The following SRGAP3 variants were observed in gnomAD, a reference collection of about 807,000 sequenced individuals.
SRGAP3 encodes SLIT-ROBO Rho GTPase activating protein 3, also known as SLIT-ROBO Rho GTPase-activating protein 3.
A neutral mutation model predicts 121.1 loss-of-function variants in SRGAP3; 39 were observed. That is an observed-to-expected ratio of 0.32 (90% CI 0.25 to 0.42). The LOEUF (loss-of-function observed/expected upper bound fraction) is 0.42. Ranked by LOEUF, SRGAP3 falls within the 10% of genes least tolerant of loss-of-function variation. SRGAP3 has a pLI of 1.00. For missense variants in SRGAP3, 1,213 were observed against 1,470.6 expected, an observed-to-expected ratio of 0.82 and a Z score of 2.86; for synonymous variants, 601 against 570.0, an observed-to-expected ratio of 1.05 and a Z score of -0.77.
chr3:9,011,181 C>A (rs902009475), intron 17 of SRGAP3, among the ~76,000 whole-genome samples: 1 of 151,838 alleles, frequency 6.6e-6, no homozygotes, highest in African/African-American at 2.4e-5. Flanking sequence ...AGAAAAAAAA[C>A]CGAAGTAAAT....
At chr3:9,098,104 C>A (rs535045594) in intron 3 of SRGAP3, among the ~76,000 whole-genome samples, 2 of 152,276 alleles carry the variant, frequency 1.3e-5, no homozygotes, top group African/African-American at 2.4e-5. Context: ...AAACCTCCCC[C>A]TCCCAGGTTA....
At chr3:9,308,098 T>A (rs1261716663) in intron 3 of SRGAP3, among the ~76,000 whole-genome samples, 1 of 152,196 alleles carries the variant, frequency 6.6e-6, no homozygotes, top group African/African-American at 2.4e-5. Flanking sequence ...TAAGTTACAG[T>A]GAGCTGAGAT....
intron 3 of SRGAP3, among the ~76,000 whole-genome samples, chr3:9,265,895 T>C (rs1217699717): frequency 6.6e-6 from 1 of 152,180 alleles, no homozygotes; most frequent in East Asian, 1.9e-4. Context: ...GGATTATAAA[T>C]CATTCCACGA....
rs149841537 is a variant in SRGAP3 at position 9,024,994 on chromosome 3, G to T, written c.1678+267C>A. On this transcript the variant is annotated intron_variant, in intron 14 of 21. Transcript: ENST00000383836. ...GCTGGTGCTGGTGCTGGTGCTGGTG[G>T]TAGGTAAATGTTGAACAGTTAACTC... Among the ~76,000 whole-genome samples the T allele has an allele frequency of 9.6e-3, 1,461 of 151,940 alleles. 12 individuals are homozygous for T. Among genetic ancestry groups the T allele is most frequent in the Non-Finnish European group, 0.016 (1,078 of 68,018 alleles).
intron 2 of SRGAP3, among the ~76,000 whole-genome samples, chr3:9,112,427 T>C (rs1354371377): frequency 6.6e-6 from 1 of 152,208 alleles, no homozygotes; most frequent in Non-Finnish European, 1.5e-5. Flanking sequence ...CAATAGTAAG[T>C]GTGTGCCTGT....
intron 2 of SRGAP3, among the ~76,000 whole-genome samples, chr3:9,118,696 C>G (rs1948893874): frequency 6.6e-6 from 1 of 152,074 alleles, no homozygotes; most frequent in Admixed American, 6.5e-5. Flanking sequence ...GCCAGGCCCC[C>G]CCCCCAAGAA....
chr3:9,114,836 G>A (rs1478441923), intron 2 of SRGAP3, among the ~76,000 whole-genome samples: 1 of 152,188 alleles, frequency 6.6e-6, no homozygotes, highest in South Asian at 2.1e-4. Flanking sequence ...TGCTGTGCAG[G>A]TCATTTAATC....
chr3:9,293,753 C>A (rs1000960103), intron 3 of SRGAP3, among the ~76,000 whole-genome samples: 1 of 152,248 alleles, frequency 6.6e-6, no homozygotes, highest in Non-Finnish European at 1.5e-5. Flanking sequence ...CAGCATTGAT[C>A]ATTAGAGAAA....
chr3:9,246,557 T>A (rs1355304360), intron 1 of SRGAP3, among the ~76,000 whole-genome samples: 6 of 152,200 alleles, frequency 3.9e-5, no homozygotes, highest in African/African-American at 7.2e-5. Context: ...GCAAGTCATT[T>A]AACATTAACT....
intron 3 of SRGAP3, among the ~76,000 whole-genome samples, chr3:9,265,982 T>A (rs879058121): frequency 2.0e-5 from 3 of 152,152 alleles, no homozygotes; most frequent in Non-Finnish European, 4.4e-5. Context: ...CAAATGCTCA[T>A]CAATGATAGA....
chr3:9,208,980 G>C (rs1470561867), intron 1 of SRGAP3, among the ~76,000 whole-genome samples: 1 of 152,236 alleles, frequency 6.6e-6, no homozygotes, highest in Non-Finnish European at 1.5e-5. Flanking sequence ...TCACTTCTCA[G>C]ATTTCACACT....
chr3:9,297,999 G>A (rs924715890), intron 3 of SRGAP3, among the ~76,000 whole-genome samples: 18 of 152,106 alleles, frequency 1.2e-4, no homozygotes, highest in African/African-American at 4.1e-4. Flanking sequence ...TACACGCCAA[G>A]GAGATAAGCC....
intron 1 of SRGAP3, among the ~76,000 whole-genome samples, chr3:9,177,046 T>C (rs1204702069): frequency 2.0e-5 from 3 of 152,212 alleles, no homozygotes; most frequent in Non-Finnish European, 4.4e-5. Flanking sequence ...ATTTTTTCTA[T>C]CCTGAGGTTC....
intron 1 of SRGAP3, among the ~76,000 whole-genome samples, chr3:9,147,235 C>G (rs1003770642): frequency 6.6e-6 from 1 of 152,140 alleles, no homozygotes; most frequent in African/African-American, 2.4e-5. Flanking sequence ...GAAGTCAGAG[C>G]CTGCCAGGCC....
At chr3:9,296,820 A>G (rs1954961202) in intron 3 of SRGAP3, among the ~76,000 whole-genome samples, 2 of 152,330 alleles carry the variant, frequency 1.3e-5, no homozygotes, top group South Asian at 4.1e-4. Flanking sequence ...ATTAGTGATT[A>G]TTATCATCCC....
intron 1 of SRGAP3, among the ~76,000 whole-genome samples, chr3:9,202,584 C>T (rs1484353132): frequency 6.6e-6 from 1 of 152,226 alleles, no homozygotes. Flanking sequence ...AGGCACAGAC[C>T]TCCACATGGA....
chr3:9,301,067 C>T (rs1574984955), intron 3 of SRGAP3, among the ~76,000 whole-genome samples: 1 of 152,278 alleles, frequency 6.6e-6, no homozygotes, highest in Non-Finnish European at 1.5e-5. Flanking sequence ...ATCTGGTCAC[C>T]TTCCTTCCTC....
chr3:9,113,135 C>T (rs967118055), intron 2 of SRGAP3, among the ~76,000 whole-genome samples: 2 of 152,318 alleles, frequency 1.3e-5, no homozygotes, highest in South Asian at 2.1e-4. Context: ...AAGGACAAGA[C>T]GTGCATGGGG....
intron 3 of SRGAP3, among the ~76,000 whole-genome samples, chr3:9,291,312 C>T (rs1027353601): frequency 5.3e-5 from 8 of 152,104 alleles, no homozygotes; most frequent in Non-Finnish European, 1.2e-4. Context: ...CCTGTGTTCC[C>T]GCTCTCATTA....
Sources: gnomAD v4.1 joint callset for allele counts (sites outside exome capture counted in the v4.1 genomes callset) on GRCh38, gnomAD v4.1.1 for gene constraint, MANE v1.5 for transcripts, NCBI Gene and HGNC (gene_info 2026-07-23, HGNC 2026-07-21) for gene names.